NPC1: variants seen among roughly 807,000 people sequenced by gnomAD.
NPC1 encodes the protein Niemann-Pick C1 protein.
A neutral mutation model predicts 140.4 loss-of-function variants in NPC1; 85 were observed. The ratio of observed to expected loss-of-function variants is 0.61; its 90% CI spans 0.51 to 0.72. NPC1 has a LOEUF of 0.72. Among genes scored for constraint, NPC1 ranks in the 30% least tolerant of loss-of-function variants. NPC1 has a pLI of 0.00. For synonymous variants in NPC1, 656 were observed against 624.8 expected (o/e 1.05, Z -0.74); for missense variants, 1,504 against 1,623.8 (o/e 0.93, Z 1.27).
At chr18:23,538,797 G>C (rs2058670621) in intron 19 of NPC1, 126 bp from the exon 20 acceptor site, 1 of 995,134 alleles carries the variant, frequency 1.0e-6, no homozygotes, top group Admixed American at 1.8e-5. Flanking sequence ...TTACTAGTGA[G>C]GGATAATCTT....
chr18:23,524,941 CTTTTTTTTT>C (rs5823396), downstream of NPC1, among the ~76,000 whole-genome samples: 4 of 69,210 alleles, frequency 5.8e-5, no homozygotes, highest in East Asian at 5.1e-4. Context: ...TTAGAGAAAT[CTTTTTTTTT>C]TTTTTTTTTT....
chr18:23,561,820 C>T (rs536942982), intron 4 of NPC1, among the ~76,000 whole-genome samples: 4 of 152,280 alleles, frequency 2.6e-5, no homozygotes, highest in Non-Finnish European at 5.9e-5. Flanking sequence ...GAAGTCAAAT[C>T]CCCACTATAT....
At chr18:23,567,254 G>A (rs891567137) in intron 4 of NPC1, among the ~76,000 whole-genome samples, 1 of 152,190 alleles carries the variant, frequency 6.6e-6, no homozygotes, top group African/African-American at 2.4e-5. Context: ...TGGCTGTACC[G>A]TTTTGTACTC....
At chr18:23,586,081 G>GC (rs1599033307) in intron 1 of NPC1, among the ~76,000 whole-genome samples, 1 of 152,192 alleles carries the variant, frequency 6.6e-6, no homozygotes, top group East Asian at 1.9e-4. Flanking sequence ...GGTCACCCAA[G>GC]CCCCCACTGC....
rs781687232 is a variant in NPC1, at chr18:23,556,443, T to C, written c.1126A>G (p.Asn376Asp). 1.9e-6 allele frequency: 3 copies of C among 1,614,092 alleles called. No individual in the cohort carries two copies. The highest frequency in any genetic ancestry group is 2.5e-6 in the Non-Finnish European group (3 of 1,180,000). The change falls in exon 8 of 25, where the codon AAT (asparagine) becomes GAT (aspartate). Residue 376 changes from asparagine to aspartate, a missense_variant. Coordinates refer to ENST00000269228, the MANE Select transcript of NPC1 (RefSeq NM_000271.5). Reference sequence around the variant, plus strand: ...GGGGCTGACCAGAGGTCAACTGGATTGGTTGTGACCCGGACAAACACCAGG... The same window carrying C: ...GGGGCTGACCAGAGGTCAACTGGATCGGTTGTGACCCGGACAAACACCAGG... ...SGLVFVRVTTNPVDLWSAPSS... is the reference protein window; with the variant it reads ...SGLVFVRVTTDPVDLWSAPSS...
rs1185769761 is a variant in NPC1, at chr18:23,506,831, A to G, written c.432-189T>C. The G allele has an allele frequency of 9.6e-6, 6 of 622,178 alleles. No homozygotes were observed. In the South Asian group the frequency reaches 1.0e-4, roughly 10 times the overall value. The allele number at this position is 622,178 out of a possible 1,614,324, so 38.5% of individuals were successfully genotyped here. A position where few individuals can be genotyped will look rare whatever the true frequency, so the allele number is the denominator to read the frequency against. ...GGTAGTTTGAAAAGAGGTCCTACTG[A>G]TGGCTTCCGAAACATAATTTTAATT... On this transcript the variant is annotated intron_variant, in intron 3 of 3. Coordinates refer to the NPC1 transcript ENST00000591107.
At chr18:23,581,492 C>T (rs1288232038) in intron 1 of NPC1, among the ~76,000 whole-genome samples, 1 of 152,116 alleles carries the variant, frequency 6.6e-6, no homozygotes, top group Non-Finnish European at 1.5e-5. Flanking sequence ...CAAATTTGAC[C>T]CTTGATGTCT....
At chr18:23,511,097 T>C (rs887284425) in intron 3 of NPC1, among the ~76,000 whole-genome samples, 1 of 152,164 alleles carries the variant, frequency 6.6e-6, no homozygotes, top group Admixed American at 6.5e-5. Context: ...CAGTGACAGA[T>C]TGGATAAAGA....
intron 23 of NPC1, 135 bp downstream of exon 23, chr18:23,534,311 C>T (rs917352216): frequency 1.4e-6 from 1 of 715,300 alleles, no homozygotes; most frequent in African/African-American, 1.7e-5. Flanking sequence ...GATGTGGCAG[C>T]TAATTCATGA....
chr18:23,550,479 CTT>C (rs68163205), intron 10 of NPC1, among the ~76,000 whole-genome samples: 6 of 74,948 alleles, frequency 8.0e-5, no homozygotes, highest in Admixed American at 2.1e-4. Flanking sequence ...TCTTACATTT[CTT>C]TTTTTTTTTT....
In NPC1 at chr18:23,541,154, C is replaced by A. The variant is rs145362908; in HGVS notation, c.2428G>T (p.Val810Phe). The A allele has an allele frequency of 4.4e-4, 705 of 1,614,192 alleles. 2 individuals carry two copies. The highest frequency in any genetic ancestry group is 2.2e-3 in the Admixed American group (134 of 60,012). ...AACAAACAGCTCTCTGAGGCCTGGA[C>A]GCTTGTTCCATCTTCAGCACCTCTG... is the stretch of plus-strand genomic sequence containing the variant. ...CVRGAEDGTS[V>F]QASESCLFRF... is the part of the protein sequence containing the mutation. The change falls in exon 16 of 25, where the codon GTC (valine) becomes TTC (phenylalanine). Residue 810 changes from valine to phenylalanine, a missense_variant. Coordinates refer to ENST00000269228, the MANE Select transcript of NPC1 (RefSeq NM_000271.5).
chr18:23,540,375 G>A (rs1200070410), intron 17 of NPC1, 73 bp downstream of exon 17: 10 of 987,816 alleles, frequency 1.0e-5, no homozygotes, highest in African/African-American at 3.3e-5. Flanking sequence ...AAACACCTAC[G>A]TGCATGTTTT....
chr18:23,549,050 A>T (rs1295549652), intron 10 of NPC1, among the ~76,000 whole-genome samples: 2 of 151,518 alleles, frequency 1.3e-5, no homozygotes, highest in East Asian at 3.9e-4. Context: ...TGCCCTCCCA[A>T]AGTGCTGGGA....
At chr18:23,561,259 G>T in intron 5 of NPC1, 101 bp downstream of exon 5, 2 of 1,210,202 alleles carry the variant, frequency 1.7e-6, no homozygotes, top group Non-Finnish European at 2.5e-6. Flanking sequence ...CAATTCTCTT[G>T]CCTCAGTCTC....
At chr18:23,581,188 A>C (rs1260818782) in intron 1 of NPC1, among the ~76,000 whole-genome samples, 1 of 152,210 alleles carries the variant, frequency 6.6e-6, no homozygotes, top group Admixed American at 6.5e-5. Context: ...CACTGTCTGC[A>C]GTTTTTTCCC....
At chr18:23,533,232 C>T in intron 24 of NPC1, 123 bp downstream of exon 24, 1 of 1,098,580 alleles carries the variant, frequency 9.1e-7, no homozygotes, top group Non-Finnish European at 1.4e-6. Flanking sequence ...TACTCAGTAT[C>T]ATTTATCATT....
chr18:23,530,722 A>G, downstream of NPC1: 2 of 960,494 alleles, frequency 2.1e-6, no homozygotes, highest in Non-Finnish European at 3.1e-6. Context: ...AAACAACACA[A>G]TTTGATAACA....
downstream of NPC1, chr18:23,530,558 C>G: frequency 1.9e-6 from 3 of 1,614,166 alleles, no homozygotes; most frequent in Non-Finnish European, 2.5e-6. Context: ...TACAATATTC[C>G]GCTTTTTTGA....
At chr18:23,524,514 A>G (rs76115546), downstream of NPC1, 3 of 1,609,270 alleles carry the variant, frequency 1.9e-6, no homozygotes. Context: ...TCGTGTTACA[A>G]CATGGTGCTT....
Sources: gnomAD v4.1 joint callset for allele counts (sites outside exome capture counted in the v4.1 genomes callset) on GRCh38, gnomAD v4.1.1 for gene constraint, MANE v1.5 for transcripts, NCBI Gene and HGNC (gene_info 2026-07-23, HGNC 2026-07-21) for gene names.